MGLL: variants seen among roughly 807,000 people sequenced by gnomAD.
The protein encoded by MGLL is monoglyceride lipase.
A neutral mutation model predicts 29.1 loss-of-function variants in MGLL; 7 were observed. The ratio of observed to expected loss-of-function variants is 0.24; its 90% confidence interval spans 0.14 to 0.45. MGLL has a LOEUF of 0.45. Ranked by LOEUF, MGLL falls within the 20% of genes least tolerant of loss-of-function variation. The pLI is 0.99. For missense variants in MGLL, 356 were observed against 413.6 expected, an observed-to-expected ratio of 0.86 and a Z score of 1.21; for synonymous variants, 148 against 168.3, an observed-to-expected ratio of 0.88 and a Z score of 0.93.
intron 6 of MGLL, 26 bp from the exon 7 acceptor site, chr3:127,695,216 T>C: frequency 6.2e-7 from 1 of 1,603,404 alleles, no homozygotes; most frequent in South Asian, 1.1e-5. Flanking sequence ...GAGGGTTCCA[T>C]CAGCATGGGC....
chr3:127,723,939 C>T (rs6800269), intron 3 of MGLL, among the ~76,000 whole-genome samples: 16,578 of 152,158 alleles, frequency 0.11, 1,059 homozygotes, highest in African/African-American at 0.18. Context: ...AGGGTGGGCC[C>T]TAATCCAAAT....
At chr3:127,745,504 C>A (rs1187909969) in intron 3 of MGLL, among the ~76,000 whole-genome samples, 1 of 152,024 alleles carries the variant, frequency 6.6e-6, no homozygotes, top group Non-Finnish European at 1.5e-5. Flanking sequence ...AATGTGCACA[C>A]ATGGACATAG....
intron 3 of MGLL, among the ~76,000 whole-genome samples, chr3:127,776,839 C>T (rs191124991): frequency 6.6e-6 from 1 of 152,152 alleles, no homozygotes; most frequent in Non-Finnish European, 1.5e-5. Flanking sequence ...ACTGTTGATG[C>T]CTCCACTTCC....
At chr3:127,712,437 T>G (rs1156262896) in intron 5 of MGLL, 1 of 152,274 alleles carries the variant, frequency 6.6e-6, no homozygotes, top group Non-Finnish European at 1.5e-5. Context: ...CCTAAAGGGC[T>G]TTGTTCCATG....
In MGLL at chr3:127,691,928, A is replaced by C. The variant is rs2075252941; in HGVS notation, c.*270T>G. On this transcript the variant is annotated 3_prime_UTR_variant, in exon 8 of 8. Transcript: ENST00000265052. ...AGGGCAGAGGCTTGGCTTTGTTTTC[A>C]GTGGACATTTTAGCACATTCTTTGT... 2.1e-6 allele frequency: 1 copy of C among 468,242 alleles called. No individual in the cohort carries two copies. The highest frequency in any genetic ancestry group is 3.8e-6 in the Non-Finnish European group (1 of 260,722). The allele number at this position is 468,242 out of a possible 1,614,324, so 29.0% of individuals were successfully genotyped here. A position where few individuals can be genotyped will look rare whatever the true frequency, so the allele number is the denominator to read the frequency against.
chr3:127,722,782 G>T (rs1008386852), intron 3 of MGLL, among the ~76,000 whole-genome samples: 1 of 152,160 alleles, frequency 6.6e-6, no homozygotes, highest in Non-Finnish European at 1.5e-5. Context: ...ATGTGCCCAA[G>T]ATCACACCAC....
intron 3 of MGLL, among the ~76,000 whole-genome samples, chr3:127,774,854 T>A (rs2077007134): frequency 6.6e-6 from 1 of 152,184 alleles, no homozygotes; most frequent in African/African-American, 2.4e-5. Context: ...CACTGGAGTT[T>A]CAGACCCTGC....
At chr3:127,756,384 C>T (rs1198105385) in intron 3 of MGLL, among the ~76,000 whole-genome samples, 2 of 152,154 alleles carry the variant, frequency 1.3e-5, no homozygotes, top group Non-Finnish European at 2.9e-5. Flanking sequence ...CCCACACCTC[C>T]ACTCCAGGCC....
intron 1 of MGLL, 98 bp downstream of exon 1, chr3:127,822,207 ATCTT>A: frequency 7.5e-7 from 1 of 1,334,000 alleles, no homozygotes; most frequent in Non-Finnish European, 1.1e-6. Flanking sequence ...AGACCCATCT[ATCTT>A]AAAATCTCCA....
At chr3:127,778,498 C>T (rs944831295) in intron 3 of MGLL, among the ~76,000 whole-genome samples, 15 of 152,318 alleles carry the variant, frequency 9.8e-5, no homozygotes, top group African/African-American at 3.4e-4. Context: ...CTTGGACTCC[C>T]TGTTGAGTGG....
intron 3 of MGLL, among the ~76,000 whole-genome samples, chr3:127,769,615 C>T (rs1409309278): frequency 6.6e-6 from 1 of 152,220 alleles, no homozygotes; most frequent in East Asian, 1.9e-4. Context: ...CCAGGGAGTA[C>T]TGGACCCTGA....
intron 3 of MGLL, among the ~76,000 whole-genome samples, chr3:127,755,532 C>T (rs995931018): frequency 3.3e-5 from 5 of 152,094 alleles, no homozygotes; most frequent in East Asian, 1.9e-4. Flanking sequence ...GGGAGGTGCA[C>T]GGTCACAAGG....
chr3:127,743,433 C>T (rs910066026), intron 3 of MGLL, among the ~76,000 whole-genome samples: 1 of 151,946 alleles, frequency 6.6e-6, no homozygotes, highest in Non-Finnish European at 1.5e-5. Flanking sequence ...GCATTATATA[C>T]CAAAGTATAA....
chr3:127,739,281 G>A (rs1407870365), intron 3 of MGLL, among the ~76,000 whole-genome samples: 1 of 152,148 alleles, frequency 6.6e-6, no homozygotes, highest in Non-Finnish European at 1.5e-5. Flanking sequence ...GCAAATTGAG[G>A]GTAGTGAAAG....
At chr3:127,771,592 G>A (rs2076949555) in intron 3 of MGLL, among the ~76,000 whole-genome samples, 2 of 152,132 alleles carry the variant, frequency 1.3e-5, no homozygotes, top group Admixed American at 1.3e-4. Context: ...CTGGGCTCAA[G>A]CAGTCCTTCC....
chr3:127,715,531 T>G (rs2075796308), intron 5 of MGLL: 1 of 371,332 alleles, frequency 2.7e-6, no homozygotes, highest in South Asian at 2.0e-5. Flanking sequence ...GCAAAAGAGA[T>G]CCCCTTTCCC....
chr3:127,746,797 C>T (rs1322271997), intron 3 of MGLL, among the ~76,000 whole-genome samples: 1 of 152,176 alleles, frequency 6.6e-6, no homozygotes, highest in Non-Finnish European at 1.5e-5. Context: ...CCCTTCTCCC[C>T]ACCCCCAGCC....
intron 4 of MGLL, 78 bp from the exon 5 acceptor site, chr3:127,721,241 G>C: frequency 1.6e-6 from 2 of 1,245,788 alleles, no homozygotes; most frequent in Non-Finnish European, 2.3e-6. Context: ...GACCAATGCA[G>C]TCCTCTTAAG....
chr3:127,765,581 C>T (rs967906887), intron 3 of MGLL, among the ~76,000 whole-genome samples: 3 of 152,184 alleles, frequency 2.0e-5, no homozygotes, highest in Admixed American at 2.0e-4. Context: ...GAACAATGTG[C>T]CCAATTCCTG....
Sources: allele counts gnomAD v4.1 joint callset (sites outside exome capture counted in the v4.1 genomes callset), GRCh38; gene constraint gnomAD v4.1.1; transcripts MANE v1.5; gene names NCBI Gene and HGNC (gene_info 2026-07-23, HGNC 2026-07-21).